The following RNF150 variants were observed in gnomAD, a reference collection of about 807,000 sequenced individuals.
RNF150 encodes the protein ring finger protein 150.
RNF150 carries 24 observed loss-of-function variants against 39.3 expected under a neutral mutation model. The observed-to-expected ratio is 0.61, with a 90% CI of 0.44 to 0.86. RNF150 has a LOEUF of 0.86. RNF150 is among the 40% of genes least tolerant of loss of function. The probability of loss-of-function intolerance (pLI) is 0.00; values close to 1 mark genes in which losing one functional copy is unlikely to be tolerated. For synonymous variants in RNF150, 255 were observed against 227.3 expected (o/e 1.12, Z -1.10); for missense variants, 502 against 587.8 (o/e 0.85, Z 1.51).
At position 140,863,480 on chromosome 4, in the gene RNF150, A is replaced by T. The variant is rs187641679; in HGVS notation, c.*4781T>A. The T allele has an allele frequency of 6.6e-6, 1 of 152,188 alleles. No homozygotes were observed. Among genetic ancestry groups the T allele is most frequent in the African/African-American group, 2.4e-5 (1 of 41,438 alleles). 9.4% of individuals were successfully genotyped at this position (152,188 alleles called of 1,614,324 possible). On this transcript the variant is annotated 3_prime_UTR_variant, in exon 7 of 7. Coordinates refer to ENST00000515673, the MANE Select transcript of RNF150 (RefSeq NM_020724.2). ...TTGCTACACAATAAAAAGAGGAAAA[A>T]CACCAACAACAGTAACAATGGTAAT...
At chr4:141,057,493 C>T (rs1737028924) in intron 1 of RNF150, among the ~76,000 whole-genome samples, 1 of 151,946 alleles carries the variant, frequency 6.6e-6, no homozygotes, top group Admixed American at 6.6e-5. Context: ...TTAGTGCACC[C>T]ATCACTCGAG....
chr4:140,923,543 C>G (rs1386711535), intron 5 of RNF150, among the ~76,000 whole-genome samples: 1 of 152,154 alleles, frequency 6.6e-6, no homozygotes, highest in Non-Finnish European at 1.5e-5. Context: ...CTAGTTCAAC[C>G]ATTGTGGAAG....
intron 4 of RNF150, among the ~76,000 whole-genome samples, chr4:140,942,582 T>C (rs990589055): frequency 1.3e-5 from 2 of 152,186 alleles, no homozygotes; most frequent in Non-Finnish European, 2.9e-5. Flanking sequence ...TGGAACTATA[T>C]GCGGTATGAG....
Position 141,079,548 on chromosome 4 carries a change from C to T in RNF150, c.484+52777G>A, listed in dbSNP as rs1020974784. The stretch of plus-strand genomic sequence containing the variant: ...CATGTAAAAAATAATATGTAAGGTG[C>T]TTACAATAGTGCCTTGCACAAGGTG... On this transcript the variant is annotated intron_variant, in intron 1 of 6. Transcript: ENST00000515673. 9.2e-5 allele frequency among the ~76,000 whole-genome samples: 14 copies of T among 152,274 alleles called. 1 individual carries two copies. The highest frequency in any genetic ancestry group is 3.4e-4 in the African/African-American group (14 of 41,560).
intron 6 of RNF150, among the ~76,000 whole-genome samples, chr4:140,878,727 GTTT>G (rs1450146767): frequency 6.6e-6 from 1 of 152,074 alleles, no homozygotes. Context: ...TCTGTTGACT[GTTT>G]ACTGTGCAGA....
intron 1 of RNF150, among the ~76,000 whole-genome samples, chr4:141,010,447 G>A (rs1175551256): frequency 1.3e-5 from 2 of 152,122 alleles, no homozygotes; most frequent in African/African-American, 4.8e-5. Context: ...TATCTCTCAG[G>A]CCATCCACTT....
chr4:141,196,631 A>G (rs1180863471), intron 1 of RNF150, among the ~76,000 whole-genome samples: 1 of 152,184 alleles, frequency 6.6e-6, no homozygotes, highest in Non-Finnish European at 1.5e-5. Context: ...TCTTGTTACA[A>G]TGCATAAAAC....
At chr4:141,162,831 G>C (rs1727538541) in intron 1 of RNF150, among the ~76,000 whole-genome samples, 1 of 152,200 alleles carries the variant, frequency 6.6e-6, no homozygotes, top group Non-Finnish European at 1.5e-5. Context: ...ATTCTCTCAA[G>C]TGCCTATGCC....
intron 1 of RNF150, among the ~76,000 whole-genome samples, chr4:141,123,832 C>G (rs1400418528): frequency 3.3e-5 from 5 of 152,112 alleles, no homozygotes; most frequent in African/African-American, 1.2e-4. Context: ...ATAGTTTTCT[C>G]AGAATGATGG....
intron 1 of RNF150, among the ~76,000 whole-genome samples, chr4:141,016,483 G>C: frequency 6.6e-6 from 1 of 152,228 alleles, no homozygotes; most frequent in East Asian, 1.9e-4. Context: ...CTGAGCTGCT[G>C]CTCTCAGCAC....
intron 1 of RNF150, among the ~76,000 whole-genome samples, chr4:140,991,653 G>A (rs1340314676): frequency 1.3e-5 from 2 of 152,250 alleles, no homozygotes; most frequent in East Asian, 3.9e-4. Flanking sequence ...CCTTAAATAG[G>A]ATTCTAATTA....
intron 6 of RNF150, among the ~76,000 whole-genome samples, chr4:140,899,996 G>GTA: frequency 7.0e-6 from 1 of 143,116 alleles, no homozygotes; most frequent in Admixed American, 7.1e-5. Context: ...GTGTGTGTGT[G>GTA]TGTGTGTGTC....
rs575187285 is a variant in RNF150 at position 141,017,846 on chromosome 4, T to G, written c.485-49973A>C. ...GGCTTGATAGCTTATTTCTTGTTAGTGCTGAAAAATATTCCCTTGGTTATA... is the reference window on the plus strand; with the variant it reads ...GGCTTGATAGCTTATTTCTTGTTAGGGCTGAAAAATATTCCCTTGGTTATA... On this transcript the variant is annotated intron_variant, in intron 1 of 6. Coordinates refer to ENST00000515673, the MANE Select transcript of RNF150 (RefSeq NM_020724.2). Among the ~76,000 whole-genome samples, 39 of 152,308 alleles carry G rather than the reference T, an allele frequency of 2.6e-4. 1 individual carries two copies. In the East Asian group the frequency reaches 3.1e-3, roughly 12 times the overall value.
chr4:140,930,265 T>C (rs1475905489), intron 4 of RNF150, among the ~76,000 whole-genome samples: 5 of 152,250 alleles, frequency 3.3e-5, no homozygotes, highest in Non-Finnish European at 7.3e-5. Context: ...TTCCGGCTTA[T>C]AGGCCTGTCC....
intron 2 of RNF150, among the ~76,000 whole-genome samples, chr4:140,959,979 C>T (rs112412772): frequency 0.01 from 1,582 of 152,224 alleles, 35 homozygotes; most frequent in African/African-American, 0.036. Flanking sequence ...TTCTGATGAT[C>T]CCCCACATTG....
At chr4:141,060,762 T>C (rs1737188754) in intron 1 of RNF150, among the ~76,000 whole-genome samples, 1 of 152,094 alleles carries the variant, frequency 6.6e-6, no homozygotes, top group Non-Finnish European at 1.5e-5. Flanking sequence ...AGTCATAGAC[T>C]AGATAAAGAA....
At chr4:141,170,335 T>C (rs1727691794) in intron 1 of RNF150, among the ~76,000 whole-genome samples, 1 of 152,206 alleles carries the variant, frequency 6.6e-6, no homozygotes, top group Non-Finnish European at 1.5e-5. Flanking sequence ...CTCTATGTCT[T>C]GGGGCACCTG....
At chr4:141,005,522 A>T (rs1395093188) in intron 1 of RNF150, among the ~76,000 whole-genome samples, 2 of 152,170 alleles carry the variant, frequency 1.3e-5, no homozygotes, top group Non-Finnish European at 2.9e-5. Context: ...CTAAGAGAGA[A>T]AGCATTGTTT....
chr4:141,093,100 C>T (rs1578721072), intron 1 of RNF150, among the ~76,000 whole-genome samples: 1 of 152,258 alleles, frequency 6.6e-6, no homozygotes, highest in African/African-American at 2.4e-5. Context: ...GGCGCGGCGG[C>T]TCATGCCTGT....
Sources: allele counts gnomAD v4.1 joint callset (sites outside exome capture counted in the v4.1 genomes callset), GRCh38; gene constraint gnomAD v4.1.1; transcripts MANE v1.5; gene names NCBI Gene and HGNC (gene_info 2026-07-23, HGNC 2026-07-21).